Variants in OTOF observed in about 807,000 individuals in gnomAD.
OTOF encodes fer-1-like family member 2.
In OTOF, 218 loss-of-function variants were observed where a neutral mutation model predicts 236.8. That is an observed-to-expected ratio of 0.92 (90% CI 0.82 to 1.03). The LOEUF (loss-of-function observed/expected upper bound fraction) is 1.03, where lower values mean the gene tolerates loss of function less well. Among genes scored for constraint, OTOF ranks in the 50% least tolerant of loss-of-function variants. OTOF has a pLI of 0.00. For missense variants in OTOF, 2,590 were observed against 2,694.4 expected (o/e 0.96, Z 0.86); for synonymous variants, 1,041 against 1,072.5 (o/e 0.97, Z 0.57).
chr2:26,547,217 C>T (rs1407761534), intron 1 of OTOF, among the ~76,000 whole-genome samples: 1 of 152,180 alleles, frequency 6.6e-6, no homozygotes, highest in Admixed American at 6.5e-5. Flanking sequence ...GCATTTTCTG[C>T]ATCTATTGAT....
rs775318270 is a variant in OTOF, at chr2:26,461,742, G to A, written c.5487C>T (p.Thr1829=). Reference sequence around the variant, plus strand: ...AGTGGTCCGCATCCCAGATCTGCAGGGTGAGCCGCGCGGGGATCTTGTACT... The same window carrying A: ...AGTGGTCCGCATCCCAGATCTGCAGAGTGAGCCGCGCGGGGATCTTGTACT... ...ETEYKIPARL[T]LQIWDADHFS... The change falls in exon 43 of 47, where the codon ACC becomes ACT. Residue 1829 remains threonine (T), a synonymous_variant. Transcript: ENST00000272371. The surrounding 1 kb of genome is among the most constrained non-coding windows in gnomAD (Gnocchi z 6.2). 3.1e-6 allele frequency: 5 copies of A among 1,614,152 alleles called. No individual in the cohort carries two copies. In the Middle Eastern group the frequency reaches 6.6e-4, roughly 213 times the overall value.
At chr2:26,506,339 C>A (rs763149556) in intron 5 of OTOF, among the ~76,000 whole-genome samples, 2 of 152,260 alleles carry the variant, frequency 1.3e-5, no homozygotes, top group Non-Finnish European at 2.9e-5. Context: ...CTTGGCCCTT[C>A]CGCATGTGTG....
At chr2:26,482,799 ATG>A (rs1412143062) in intron 13 of OTOF, among the ~76,000 whole-genome samples, 6 of 59,868 alleles carry the variant, frequency 1.0e-4, no homozygotes, top group African/African-American at 3.3e-4. Context: ...GAGTGGATGC[ATG>A]TGTGTGTATG....
intron 11 of OTOF, among the ~76,000 whole-genome samples, chr2:26,485,291 T>C (rs976047158): frequency 1.3e-5 from 2 of 152,264 alleles, no homozygotes; most frequent in African/African-American, 4.8e-5. Flanking sequence ...TCTACTCATT[T>C]TGCTCAAGTC....
chr2:26,539,510 C>A (rs181665810), intron 1 of OTOF, among the ~76,000 whole-genome samples: 1 of 152,068 alleles, frequency 6.6e-6, no homozygotes, highest in Non-Finnish European at 1.5e-5. Context: ...CCGAGGCGGG[C>A]GGATCACCTG....
In OTOF at chr2:26,461,812, A is replaced by G; in HGVS notation, c.5417T>C (p.Ile1806Thr). 1 of 1,614,124 alleles carries G rather than the reference A, an allele frequency of 6.2e-7. No homozygotes were observed. The highest frequency in any genetic ancestry group is 8.5e-7 in the Non-Finnish European group (1 of 1,180,024). ...CATGGACTCCTTCTTGGAGATGACG[A>G]TCTTCTCCTCCGCCGCCAGGTAGTC... ...PFDYLAAEEKIVISKKESMFS... is the reference protein window; with the variant it reads ...PFDYLAAEEKTVISKKESMFS... Residue 1806 changes from isoleucine to threonine, a missense_variant, in exon 43 of 47, where the codon ATC becomes ACC. This residue lies in a region of OTOF where 1,211 missense variants were observed against 1,352.8 expected (regional missense o/e 0.90). Transcript: ENST00000272371. The surrounding 1 kb of genome is among the most constrained non-coding windows in gnomAD (Gnocchi z 6.2).
intron 3 of OTOF, among the ~76,000 whole-genome samples, chr2:26,520,912 G>A (rs13387109): frequency 0.058 from 8,855 of 152,258 alleles, 581 homozygotes; most frequent in East Asian, 0.3. Context: ...AAACATGCAC[G>A]GCTGGGATAT....
intron 1 of OTOF, among the ~76,000 whole-genome samples, chr2:26,543,185 G>A (rs2384386): frequency 0.73 from 110,497 of 151,986 alleles, 41,337 homozygotes; most frequent in East Asian, 0.97. Flanking sequence ...ACTTCAGATC[G>A]ATCTGTTCCT....
intron 9 of OTOF, among the ~76,000 whole-genome samples, chr2:26,492,445 T>A (rs974053432): frequency 6.6e-6 from 1 of 152,198 alleles, no homozygotes; most frequent in African/African-American, 2.4e-5. Flanking sequence ...CATTTAAGAT[T>A]GTCCAAAGAT....
chr2:26,504,585 A>G (rs1314801469), intron 5 of OTOF, among the ~76,000 whole-genome samples: 3 of 151,944 alleles, frequency 2.0e-5, no homozygotes, highest in African/African-American at 4.8e-5. Flanking sequence ...CAGGCTCCAT[A>G]GTTCCTACCT....
chr2:26,496,057 T>G (rs534133528), intron 8 of OTOF, among the ~76,000 whole-genome samples: 1 of 152,320 alleles, frequency 6.6e-6, no homozygotes, highest in South Asian at 2.1e-4. Flanking sequence ...TTGTATGTTG[T>G]GTGCACTCTG....
intron 18 of OTOF, 143 bp downstream of exon 18, chr2:26,479,121 G>T: frequency 9.4e-7 from 1 of 1,060,738 alleles, no homozygotes; most frequent in Non-Finnish European, 1.4e-6. Context: ...GGGACCTGGG[G>T]CTGAGAATGG....
intron 1 of OTOF, among the ~76,000 whole-genome samples, chr2:26,541,948 A>C (rs1339919806): frequency 6.6e-6 from 1 of 152,224 alleles, no homozygotes; most frequent in Non-Finnish European, 1.5e-5. Flanking sequence ...TTTGGTTTGA[A>C]ATAAACTCCT....
chr2:26,490,735 T>C (rs1424706146), intron 9 of OTOF, among the ~76,000 whole-genome samples: 2 of 152,142 alleles, frequency 1.3e-5, no homozygotes, highest in African/African-American at 2.4e-5. Flanking sequence ...TATTATCCTA[T>C]GAATGTGGAG....
intron 13 of OTOF, among the ~76,000 whole-genome samples, chr2:26,483,201 G>C (rs1329903814): frequency 6.6e-6 from 1 of 151,946 alleles, no homozygotes; most frequent in Non-Finnish European, 1.5e-5. Context: ...GTATGAGTGG[G>C]TGCATGTGTG....
chr2:26,530,845 G>A (rs986104197), intron 2 of OTOF, among the ~76,000 whole-genome samples: 1 of 152,104 alleles, frequency 6.6e-6, no homozygotes, highest in Admixed American at 6.5e-5. Flanking sequence ...CGATCAAGCC[G>A]GCACCTCTAG....
intron 1 of OTOF, among the ~76,000 whole-genome samples, chr2:26,550,940 A>G (rs1667446078): frequency 6.6e-6 from 1 of 151,626 alleles, no homozygotes; most frequent in South Asian, 2.1e-4. Context: ...TCTCCACACC[A>G]CCACGTCTGC....
At chr2:26,506,532 G>A (rs767705077) in intron 5 of OTOF, among the ~76,000 whole-genome samples, 6 of 152,296 alleles carry the variant, frequency 3.9e-5, no homozygotes, top group East Asian at 1.9e-4. Flanking sequence ...CCTGAGTCCC[G>A]GGGGGAGTGC....
chr2:26,470,796 C>G lies in OTOF; in HGVS notation c.3895-75G>C. ...CAATCCCGAGAGCCTCCACCCATTC[C>G]GCCATCTGTCAGCAGGAAGCCTTGG... On this transcript the variant is annotated intron_variant, in intron 31 of 46. Transcript: ENST00000272371. This position sits in a 1 kb window ranked among gnomAD's most constrained non-coding sequence, Gnocchi z 4.3. 1 of 1,572,452 alleles carries G rather than the reference C, an allele frequency of 6.4e-7. No homozygotes were observed. Among genetic ancestry groups the G allele is most frequent in the Non-Finnish European group, 8.6e-7 (1 of 1,163,848 alleles).
Sources: gnomAD v4.1 joint callset for allele counts (sites outside exome capture counted in the v4.1 genomes callset) on GRCh38, gnomAD v4.1.1 for gene constraint, gnomAD v4.1.1 regional missense constraint, Gnocchi (gnomAD v3.1) non-coding constraint, MANE v1.5 for transcripts, NCBI Gene and HGNC (gene_info 2026-07-23, HGNC 2026-07-21) for gene names.